CDK5RAP2: variants seen among roughly 807,000 people sequenced by gnomAD.
The protein encoded by CDK5RAP2 is CDK5 regulatory subunit-associated protein 2.
Under a neutral mutation model 232.9 loss-of-function variants are expected in CDK5RAP2, and 147 were observed. The ratio of observed to expected loss-of-function variants is 0.63; its 90% CI spans 0.55 to 0.72. CDK5RAP2 has a LOEUF of 0.72. Among genes scored for constraint, CDK5RAP2 ranks in the 30% least tolerant of loss-of-function variants. The pLI is 0.00. For synonymous variants in CDK5RAP2, 833 were observed against 833.7 expected (o/e 1.00, Z 0.01); for missense variants, 2,195 against 2,231.5 (o/e 0.98, Z 0.33).
At chr9:120,566,064 T>G (rs981194920) in intron 3 of CDK5RAP2, among the ~76,000 whole-genome samples, 2 of 152,254 alleles carry the variant, frequency 1.3e-5, no homozygotes, top group Admixed American at 6.5e-5. Context: ...ATCAATCATC[T>G]GAGACTAGAA....
intron 36 of CDK5RAP2, among the ~76,000 whole-genome samples, chr9:120,394,272 A>G (rs2032262507): frequency 6.6e-6 from 1 of 152,188 alleles, no homozygotes; most frequent in Non-Finnish European, 1.5e-5. Context: ...TGCACATGCC[A>G]CACGACTGTC....
In CDK5RAP2 at chr9:120,453,724, A is replaced by T. The variant is rs2036600028; in HGVS notation, c.2525T>A (p.Phe842Tyr). The T allele has an allele frequency of 6.2e-7, 1 of 1,614,066 alleles. No homozygotes were observed. Among genetic ancestry groups the T allele is most frequent in the Non-Finnish European group, 8.5e-7 (1 of 1,180,042 alleles). ...CTTCAGTTCATCATGTGGCTTGGAA[A>T]ATGAGTTGGTTTGGACAAAATGTAC... ...ELVHFVQTNSFSKPHDELKLS... is the reference protein window; with the variant it reads ...ELVHFVQTNSYSKPHDELKLS... Residue 842 changes from phenylalanine to tyrosine, a missense_variant, in exon 21 of 38, where the codon TTT (phenylalanine) becomes TAT (tyrosine). By Grantham distance (22) the Phe-to-Tyr change is conservative. Coordinates refer to ENST00000349780, the MANE Select transcript of CDK5RAP2 (RefSeq NM_018249.6).
intron 25 of CDK5RAP2, among the ~76,000 whole-genome samples, chr9:120,426,668 G>A (rs1426347719): frequency 1.3e-5 from 2 of 152,180 alleles, no homozygotes; most frequent in Non-Finnish European, 2.9e-5. Context: ...ATCAGAAAAG[G>A]AGAAAGGGAA....
rs1564173068 is a variant in CDK5RAP2, at chr9:120,403,176, G to A, written c.5042-105C>T. 1 of 1,155,590 alleles carries A rather than the reference G, an allele frequency of 8.7e-7. No individual in the cohort carries two copies. Among genetic ancestry groups the A allele is most frequent in the East Asian group, 2.4e-5 (1 of 41,566 alleles). The allele number at this position is 1,155,590 out of a possible 1,614,324, so 71.6% of individuals were successfully genotyped here. A position where few individuals can be genotyped will look rare whatever the true frequency, so the allele number is the denominator to read the frequency against. ...TAGGAGGGCTAGAAGAGGCCCTCGT[G>A]CCCAAATGCCACCCAACACAAGCCC... On this transcript the variant is annotated intron_variant, in intron 33 of 37. Transcript: ENST00000349780. This position sits in a 1 kb window ranked among gnomAD's most constrained non-coding sequence, Gnocchi z 4.2.
chr9:120,458,921 C>T lies in CDK5RAP2; in HGVS notation c.2203-299G>A, dbSNP rs1026723427. 2.0e-5 allele frequency among the ~76,000 whole-genome samples: 3 copies of T among 152,178 alleles called. No homozygotes were observed. The East Asian group carries it at 5.8e-4, about 29-fold the overall frequency. ...TAAAATGGGGGTAGTAATGGTACCT[C>T]CCGAGGTGGTTAGGAGAATGAAATG... is the stretch of plus-strand genomic sequence containing the variant. On this transcript the variant is annotated intron_variant, in intron 19 of 37. Coordinates refer to ENST00000349780, the MANE Select transcript of CDK5RAP2 (RefSeq NM_018249.6).
At chr9:120,478,555 T>C (rs536061353) in intron 14 of CDK5RAP2, among the ~76,000 whole-genome samples, 72 of 152,232 alleles carry the variant, frequency 4.7e-4, no homozygotes, top group Non-Finnish European at 9.0e-4. Context: ...GAAAATCACT[T>C]GAGGCCCGGA....
chr9:120,497,009 GC>G (rs2039316937), intron 12 of CDK5RAP2, among the ~76,000 whole-genome samples: 1 of 136,482 alleles, frequency 7.3e-6, no homozygotes. Context: ...TCGGATGGTT[GC>G]CGTGTCTGTG....
At chr9:120,542,942 T>C (rs7854663) in intron 5 of CDK5RAP2, among the ~76,000 whole-genome samples, 129,566 of 152,212 alleles carry the variant, frequency 0.85, 56,300 homozygotes, top group Non-Finnish European at 0.95. Flanking sequence ...ATGGAAGGCA[T>C]TTGGGCTGGG....
At chr9:120,397,187 T>C (rs2032544061) in intron 35 of CDK5RAP2, among the ~76,000 whole-genome samples, 1 of 152,142 alleles carries the variant, frequency 6.6e-6, no homozygotes, top group Non-Finnish European at 1.5e-5. Context: ...TTGTTTTCTT[T>C]TTATGGTGAA....
At chr9:120,429,840 C>A (rs2035166519) in intron 25 of CDK5RAP2, among the ~76,000 whole-genome samples, 1 of 152,188 alleles carries the variant, frequency 6.6e-6, no homozygotes, top group Non-Finnish European at 1.5e-5. Flanking sequence ...GGAGGCATCA[C>A]ACTACCTGAC....
At chr9:120,402,729 G>T in intron 34 of CDK5RAP2, 77 bp downstream of exon 34, 1 of 1,538,388 alleles carries the variant, frequency 6.5e-7, no homozygotes. Flanking sequence ...GGACAACTGC[G>T]CCATTTGACT....
intron 15 of CDK5RAP2, among the ~76,000 whole-genome samples, chr9:120,474,964 T>C (rs928984539): frequency 6.6e-6 from 1 of 152,186 alleles, no homozygotes; most frequent in Non-Finnish European, 1.5e-5. Flanking sequence ...TAAACTAAGT[T>C]TATGCATGAT....
intron 23 of CDK5RAP2, chr9:120,440,262 T>TA: frequency 2.2e-6 from 1 of 445,298 alleles, no homozygotes; most frequent in South Asian, 2.4e-5. Flanking sequence ...ACACACCCCC[T>TA]AAAATTCATC....
At position 120,415,071 on chromosome 9, in the gene CDK5RAP2, C is replaced by T; in HGVS notation, c.4266G>A (p.Gln1422=). The change falls in exon 28 of 38, where the codon CAG becomes CAA. Residue 1422 remains glutamine (Q), a synonymous_variant. Coordinates refer to ENST00000349780, the MANE Select transcript of CDK5RAP2 (RefSeq NM_018249.6). ...SIKTNEKLRK[Q]LERQGSEFVQ... is the part of the protein sequence containing the mutation. Reference sequence around the variant, plus strand: ...CAAATTCAGATCCTTGCCGTTCCAACTGTTTCCGTAGCTTCTCATTTGTTT... The same window carrying T: ...CAAATTCAGATCCTTGCCGTTCCAATTGTTTCCGTAGCTTCTCATTTGTTT... 1 of 1,614,218 alleles carries T rather than the reference C, an allele frequency of 6.2e-7. No homozygotes were observed. The highest frequency in any genetic ancestry group is 8.5e-7 in the Non-Finnish European group (1 of 1,180,016).
chr9:120,513,604 G>A (rs2040192622), intron 12 of CDK5RAP2, among the ~76,000 whole-genome samples: 3 of 152,156 alleles, frequency 2.0e-5, no homozygotes, highest in Admixed American at 2.0e-4. Context: ...TTCAGAACCA[G>A]TTCAAAAGTT....
At chr9:120,450,474 T>C (rs1209283531) in intron 21 of CDK5RAP2, among the ~76,000 whole-genome samples, 1 of 152,152 alleles carries the variant, frequency 6.6e-6, no homozygotes, top group African/African-American at 2.4e-5. Flanking sequence ...ACCCACTGAA[T>C]TGTATACCTT....
At chr9:120,409,539 A>G (rs1359094065) in intron 29 of CDK5RAP2, among the ~76,000 whole-genome samples, 1 of 152,232 alleles carries the variant, frequency 6.6e-6, no homozygotes, top group Admixed American at 6.5e-5. Context: ...TTAATTTTCT[A>G]TTAAAGAACA....
intron 31 of CDK5RAP2, 196 bp downstream of exon 31, chr9:120,408,151 G>T: frequency 1.4e-6 from 1 of 690,734 alleles, no homozygotes; most frequent in Non-Finnish European, 2.6e-6. Flanking sequence ...TGGGTGCTGA[G>T]CCTCAGTCCT....
intron 22 of CDK5RAP2, 78 bp downstream of exon 22, chr9:120,447,817 C>T: frequency 9.5e-7 from 1 of 1,056,090 alleles, no homozygotes; most frequent in Non-Finnish European, 1.5e-6. Flanking sequence ...CAATTCTAAA[C>T]AACAAGGTTG....
Sources: gnomAD v4.1 joint callset for allele counts (sites outside exome capture counted in the v4.1 genomes callset) on GRCh38, gnomAD v4.1.1 for gene constraint, Gnocchi (gnomAD v3.1) non-coding constraint, MANE v1.5 for transcripts, NCBI Gene and HGNC (gene_info 2026-07-23, HGNC 2026-07-21) for gene names.